BMX: variants seen among roughly 807,000 people sequenced by gnomAD.
BMX encodes the protein cytoplasmic tyrosine-protein kinase BMX.
A neutral mutation model predicts 59.2 loss-of-function variants in BMX; 31 were observed. The ratio of observed to expected loss-of-function variants is 0.52; its 90% CI spans 0.39 to 0.71. The LOEUF (loss-of-function observed/expected upper bound fraction) is 0.71. BMX is among the 30% of genes least tolerant of loss of function. BMX has a pLI of 0.00. For synonymous variants in BMX, 185 were observed against 181.0 expected (o/e 1.02, Z -0.18); for missense variants, 474 against 491.7 (o/e 0.96, Z 0.34).
intron 4 of BMX, 148 bp downstream of exon 4, chrX:15,511,666 G>C (rs1923966959): frequency 4.2e-6 from 2 of 478,282 alleles, no homozygotes; most frequent in Admixed American, 4.0e-5. Context: ...CAACCTCAGG[G>C]AATGTGTCAG....
Position 15,505,284 on chromosome X carries a change from G to GAT in BMX, c.-9-3060_-9-3059insTA, listed in dbSNP as rs895386945. Reference sequence around the variant, plus strand: ...AGAAACCACATGGTTTATCTTAGAAGAAACTGATCTGGAAATGAAAAAAGC... The same window carrying GAT: ...AGAAACCACATGGTTTATCTTAGAAGATAAACTGATCTGGAAATGAAAAAAGC... On this transcript the variant is annotated intron_variant, in intron 1 of 18. Transcript: ENST00000348343. 4.5e-5 allele frequency among the ~76,000 whole-genome samples: 5 copies of GAT among 112,074 alleles called. No homozygotes were observed. The Admixed American group carries it at 4.7e-4, about 11-fold the overall frequency.
chrX:15,547,802 TATG>T (rs1232602250), intron 17 of BMX, among the ~76,000 whole-genome samples: 2 of 112,234 alleles, frequency 1.8e-5, no homozygotes, highest in Non-Finnish European at 3.8e-5. Flanking sequence ...GACTACATTT[TATG>T]ATATTTTTTC....
intron 16 of BMX, among the ~76,000 whole-genome samples, chrX:15,544,719 T>A (rs1446111686): frequency 9.0e-6 from 1 of 111,223 alleles, no homozygotes; most frequent in Admixed American, 9.6e-5. Context: ...TGAAGGAAGG[T>A]TTAAGCCATG....
intron 9 of BMX, 115 bp downstream of exon 9, chrX:15,526,210 TG>T (rs952353958): frequency 7.1e-5 from 43 of 605,945 alleles, no homozygotes; most frequent in Non-Finnish European, 8.7e-5. Context: ...TGTATTTACA[TG>T]GGTAAACTCA....
At chrX:15,554,978 T>C (rs1190993001) in intron 18 of BMX, among the ~76,000 whole-genome samples, 1 of 111,401 alleles carries the variant, frequency 9.0e-6, no homozygotes, top group Non-Finnish European at 1.9e-5. Flanking sequence ...CTTTATGATA[T>C]GTTTGAATAC....
intron 4 of BMX, among the ~76,000 whole-genome samples, chrX:15,515,278 C>A (rs1192957761): frequency 9.1e-6 from 1 of 109,562 alleles, no homozygotes; most frequent in Admixed American, 9.8e-5. Context: ...TGTAACAAAC[C>A]TGCACATTCT....
rs1569227808 is a variant in BMX at position 15,537,318 on chromosome X, C to A, written c.1394+13C>A. The A allele has an allele frequency of 8.3e-7, 1 of 1,209,219 alleles. No homozygotes were observed. Among genetic ancestry groups the A allele is most frequent in the Non-Finnish European group, 1.1e-6 (1 of 894,203 alleles). On this transcript the variant is annotated intron_variant, in intron 14 of 18. Coordinates refer to ENST00000348343, the MANE Select transcript of BMX (RefSeq NM_203281.3). Reference sequence around the variant, plus strand: ...CCCAGACTATGATGTAAGTTTTTCCCAAGGAATGGCTGTTTAGCCCTCATC... The same window carrying A: ...CCCAGACTATGATGTAAGTTTTTCCAAAGGAATGGCTGTTTAGCCCTCATC...
intron 6 of BMX, 26 bp from the exon 7 acceptor site, chrX:15,522,320 G>A (rs1924497437): frequency 1.7e-6 from 2 of 1,203,151 alleles, no homozygotes; most frequent in East Asian, 3.0e-5. Flanking sequence ...TCACTGTGAT[G>A]TATTAAAATT....
chrX:15,505,085 G>A (rs1923692174), intron 1 of BMX, among the ~76,000 whole-genome samples: 1 of 112,391 alleles, frequency 8.9e-6, no homozygotes, highest in African/African-American at 3.2e-5. Context: ...GTCACAATAC[G>A]AGGGGGGAAG....
chrX:15,503,176 G>A (rs1053219421), intron 1 of BMX, among the ~76,000 whole-genome samples: 1 of 111,622 alleles, frequency 9.0e-6, no homozygotes, highest in Admixed American at 9.5e-5. Context: ...AGATAACCCT[G>A]TCTCCCTTGG....
intron 14 of BMX, among the ~76,000 whole-genome samples, chrX:15,539,495 TCTGAAGGGAGCAGTGTTGAGTAC>T (rs1277465905): frequency 9.0e-6 from 1 of 111,321 alleles, no homozygotes; most frequent in East Asian, 2.8e-4. Context: ...AAGCCTTCCC[TCTGAAGGGAGCAGTGTTGAGTAC>T]CATGCAGGTC....
chrX:15,525,235 A>G (rs911337668), intron 7 of BMX, 53 bp from the exon 8 acceptor site: 73 of 1,087,345 alleles, frequency 6.7e-5, no homozygotes, highest in Non-Finnish European at 9.1e-5. Flanking sequence ...TGTCATTTAA[A>G]ATTTATAAGT....
At chrX:15,512,589 C>A (rs1924004047) in intron 4 of BMX, among the ~76,000 whole-genome samples, 1 of 111,588 alleles carries the variant, frequency 9.0e-6, no homozygotes, top group Non-Finnish European at 1.9e-5. Flanking sequence ...AGAAAGACAA[C>A]CCCTCTAGAG....
chrX:15,551,306 G>T (rs1355844014), intron 18 of BMX, among the ~76,000 whole-genome samples: 1 of 111,513 alleles, frequency 9.0e-6, no homozygotes, highest in Non-Finnish European at 1.9e-5. Context: ...GGTTAAGCCT[G>T]TGGGTTCTGG....
chrX:15,509,193 G>A (rs1569218567), intron 2 of BMX, 136 bp from the exon 3 acceptor site: 2 of 306,161 alleles, frequency 6.5e-6, no homozygotes, highest in East Asian at 7.2e-5. Flanking sequence ...TGACTATTAC[G>A]GGGTAATAGG....
In BMX at chrX:15,520,499, T is replaced by C. The variant is rs141902861; in HGVS notation, c.511-1847T>C. On this transcript the variant is annotated intron_variant, in intron 6 of 18. Coordinates refer to ENST00000348343, the MANE Select transcript of BMX (RefSeq NM_203281.3). ...ACAAAAGTCACTGAATTCTGCACTT[T>C]AAAAAGGATGAACTACCAATAAAGT... 4.6e-3 allele frequency among the ~76,000 whole-genome samples: 514 copies of C among 111,876 alleles called. 1 individual carries two copies. Among genetic ancestry groups the C allele is most frequent in the African/African-American group, 0.016 (491 of 30,790 alleles).
chrX:15,553,645 C>G (rs1039795362), intron 18 of BMX, among the ~76,000 whole-genome samples: 4 of 111,850 alleles, frequency 3.6e-5, no homozygotes, highest in African/African-American at 1.3e-4. Context: ...TTTAAAGAAA[C>G]AAACAAACAA....
chrX:15,513,839 C>T (rs1376172641), intron 4 of BMX, among the ~76,000 whole-genome samples: 2 of 111,648 alleles, frequency 1.8e-5, no homozygotes, highest in African/African-American at 6.5e-5. Flanking sequence ...ATTTATTAAG[C>T]TTGTGAAGTT....
In BMX at chrX:15,512,841, G is replaced by T. The variant is rs910112810; in HGVS notation, c.325+1323G>T. Among the ~76,000 whole-genome samples, 3 of 111,953 alleles carry T rather than the reference G, an allele frequency of 2.7e-5. No individual in the cohort carries two copies. The Admixed American group carries it at 2.8e-4, about 11-fold the overall frequency. ...GCTCTAAGATTCTGCTTCCCATTTA[G>T]TCTCCTTTGGTGGAATTTCCTGAGC... On this transcript the variant is annotated intron_variant, in intron 4 of 18. Coordinates refer to ENST00000348343, the MANE Select transcript of BMX (RefSeq NM_203281.3).
Sources: allele counts gnomAD v4.1 joint callset (sites outside exome capture counted in the v4.1 genomes callset), GRCh38; gene constraint gnomAD v4.1.1; transcripts MANE v1.5; gene names NCBI Gene and HGNC (gene_info 2026-07-23, HGNC 2026-07-21).